Variants in SCML2 observed in about 807,000 individuals in gnomAD.
SCML2 encodes sex comb on midleg-like protein 2.
In SCML2, 6 loss-of-function variants were observed where a neutral mutation model predicts 48.4. The ratio of observed to expected loss-of-function variants is 0.12; its 90% CI spans 0.07 to 0.24. The LOEUF (loss-of-function observed/expected upper bound fraction) is 0.24. Ranked by LOEUF, SCML2 falls within the 10% of genes least tolerant of loss-of-function variation. SCML2 has a pLI of 1.00. For synonymous variants in SCML2, 181 were observed against 189.5 expected, an observed-to-expected ratio of 0.95 and a Z score of 0.37; for missense variants, 377 against 528.2, an observed-to-expected ratio of 0.71 and a Z score of 2.81.
intron 11 of SCML2, among the ~76,000 whole-genome samples, chrX:18,250,380 T>A (rs1373471052): frequency 9.5e-6 from 1 of 104,966 alleles, no homozygotes; most frequent in South Asian, 4.3e-4. Flanking sequence ...GCCTGGCTAA[T>A]TTTTTTTTTT....
chrX:18,333,987 C>T, intron 2 of SCML2, 63 bp downstream of exon 2: 1 of 1,015,766 alleles, frequency 9.8e-7, no homozygotes, highest in Non-Finnish European at 1.4e-6. Context: ...TTCAGTATAC[C>T]AGAAGATATT....
At position 18,260,216 on chromosome X, in the gene SCML2, A is replaced by G. The variant is rs371094815; in HGVS notation, c.1024T>C (p.Tyr342His). 3.9e-5 allele frequency: 47 copies of G among 1,200,410 alleles called. No homozygotes were observed. The highest frequency in any genetic ancestry group is 3.0e-5 in the Non-Finnish European group (27 of 887,905). ...CATGGCCCAGAAGCGACATCTTTAT[A>G]TAACATGCCACGGTCTCTGGTCAGC... ...KSLTRDRGML[Y>H]KDVASGPCKI... is the part of the protein sequence containing the mutation. The change falls in exon 9 of 15, where the codon TAT (tyrosine) becomes CAT (histidine). Residue 342 changes from tyrosine to histidine, a missense_variant. Tyr to His is a moderately conservative substitution (Grantham distance 83). This residue lies in a region of SCML2 where 299 missense variants were observed against 425.5 expected (regional missense o/e 0.70). Transcript: ENST00000251900.
At chrX:18,354,760 C>G, upstream of SCML2, 1 of 188,603 alleles carries the variant, frequency 5.3e-6, no homozygotes, top group African/African-American at 3.0e-5. Flanking sequence ...GCGTGCCCTG[C>G]GGTTGCCGCG....
intron 3 of SCML2, 109 bp from the exon 4 acceptor site, chrX:18,325,086 G>GAAAAA: frequency 4.1e-6 from 1 of 241,776 alleles, no homozygotes; most frequent in African/African-American, 4.1e-5. Flanking sequence ...CCTCTTAAAA[G>GAAAAA]AAAAAAAAAA....
intron 7 of SCML2, among the ~76,000 whole-genome samples, chrX:18,269,016 C>T (rs953389044): frequency 1.8e-5 from 2 of 111,671 alleles, no homozygotes; most frequent in African/African-American, 6.5e-5. Flanking sequence ...TCCCTCTTTC[C>T]ACTCACTACT....
chrX:18,280,950 G>A (rs1389648242), intron 7 of SCML2, among the ~76,000 whole-genome samples: 1 of 112,417 alleles, frequency 8.9e-6, no homozygotes, highest in Non-Finnish European at 1.9e-5. Flanking sequence ...CACTGAAGCA[G>A]AAAACTAATA....
At chrX:18,243,849 A>G (rs182636332) in intron 13 of SCML2, among the ~76,000 whole-genome samples, 15 of 112,014 alleles carry the variant, frequency 1.3e-4, no homozygotes, top group Non-Finnish European at 2.6e-4. Flanking sequence ...TGAATTTTGT[A>G]CTTAGCTAGG....
At chrX:18,300,197 C>T (rs915769261) in intron 7 of SCML2, among the ~76,000 whole-genome samples, 40 of 109,323 alleles carry the variant, frequency 3.7e-4, no homozygotes, top group Admixed American at 2.1e-3. Flanking sequence ...ACTAGGAGGT[C>T]GAGACCAGCC....
intron 3 of SCML2, among the ~76,000 whole-genome samples, chrX:18,328,186 G>A (rs773107156): frequency 1.8e-5 from 2 of 111,166 alleles, no homozygotes; most frequent in African/African-American, 3.3e-5. Context: ...GAGCTCCCCT[G>A]GTCTTCTCTA....
intron 6 of SCML2, among the ~76,000 whole-genome samples, chrX:18,319,471 A>G (rs1318233587): frequency 9.2e-6 from 1 of 109,115 alleles, no homozygotes; most frequent in Non-Finnish European, 1.9e-5. Flanking sequence ...ATGATGGTGC[A>G]CGCCTGTAGT....
At chrX:18,269,816 A>G (rs1207902180) in intron 7 of SCML2, among the ~76,000 whole-genome samples, 1 of 111,374 alleles carries the variant, frequency 9.0e-6, no homozygotes, top group African/African-American at 3.3e-5. Flanking sequence ...TATATAAAAT[A>G]AGCAGTTAAA....
At chrX:18,335,380 T>C (rs1298546510) in intron 1 of SCML2, among the ~76,000 whole-genome samples, 1 of 110,885 alleles carries the variant, frequency 9.0e-6, no homozygotes, top group African/African-American at 3.3e-5. Context: ...GGTACATGCC[T>C]GTAGTCTCAG....
intron 7 of SCML2, among the ~76,000 whole-genome samples, chrX:18,270,982 A>G (rs1456315732): frequency 8.9e-6 from 1 of 111,873 alleles, no homozygotes; most frequent in African/African-American, 3.3e-5. Flanking sequence ...CTTCAGACAG[A>G]ACAGAAAATG....
intron 1 of SCML2, among the ~76,000 whole-genome samples, chrX:18,352,287 A>G (rs1261723168): frequency 8.9e-6 from 1 of 112,392 alleles, no homozygotes; most frequent in Non-Finnish European, 1.9e-5. Context: ...CCCAATCTTC[A>G]GAGCACATAT....
At chrX:18,319,649 T>A (rs754078783) in intron 6 of SCML2, among the ~76,000 whole-genome samples, 1 of 109,506 alleles carries the variant, frequency 9.1e-6, no homozygotes, top group African/African-American at 3.3e-5. Flanking sequence ...CTCAGACTTC[T>A]AGCCTCCGCA....
intron 6 of SCML2, among the ~76,000 whole-genome samples, chrX:18,307,416 C>G (rs1348728206): frequency 4.5e-5 from 5 of 111,674 alleles, no homozygotes; most frequent in Non-Finnish European, 7.5e-5. Flanking sequence ...CTGCCTGTTA[C>G]TATGTATGAG....
chrX:18,325,606 G>A (rs1348028925), intron 3 of SCML2, among the ~76,000 whole-genome samples: 1 of 111,682 alleles, frequency 9.0e-6, no homozygotes, highest in Non-Finnish European at 1.9e-5. Flanking sequence ...ATTTTCTACA[G>A]ACTCTTGCTG....
Position 18,270,790 on chromosome X carries a change from T to A in SCML2, c.731-4988A>T, listed in dbSNP as rs189391087. On this transcript the variant is annotated intron_variant, in intron 7 of 14. Coordinates refer to ENST00000251900, the MANE Select transcript of SCML2 (RefSeq NM_006089.3). ...GTTTAAATAAGGTTAAAACTATATATAAAACTTTATATGTTCATATGTATA... is the reference window on the plus strand; with the variant it reads ...GTTTAAATAAGGTTAAAACTATATAAAAAACTTTATATGTTCATATGTATA... 1.1e-3 allele frequency among the ~76,000 whole-genome samples: 121 copies of A among 111,521 alleles called. 2 individuals carry two copies. In the East Asian group the frequency reaches 0.016, roughly 14 times the overall value.
At chrX:18,275,437 C>T (rs892136377) in intron 7 of SCML2, among the ~76,000 whole-genome samples, 2 of 112,433 alleles carry the variant, frequency 1.8e-5, no homozygotes, top group Non-Finnish European at 3.8e-5. Context: ...CAATAAGTTA[C>T]CCAGGCAAAC....
Sources: gnomAD v4.1 joint callset for allele counts (sites outside exome capture counted in the v4.1 genomes callset) on GRCh38, gnomAD v4.1.1 for gene constraint, gnomAD v4.1.1 regional missense constraint, MANE v1.5 for transcripts, NCBI Gene and HGNC (gene_info 2026-07-23, HGNC 2026-07-21) for gene names.